AFF4: variants seen among roughly 807,000 people sequenced by gnomAD.
The protein encoded by AFF4 is ALF transcription elongation factor 4.
Under a neutral mutation model 124.8 loss-of-function variants are expected in AFF4, and 13 were observed. The ratio of observed to expected loss-of-function variants is 0.10; its 90% CI spans 0.07 to 0.17. AFF4 has a LOEUF of 0.17. AFF4 is among the 10% of genes least tolerant of loss of function. The pLI is 1.00. For synonymous variants in AFF4, 477 were observed against 496.1 expected (o/e 0.96, Z 0.51); for missense variants, 1,092 against 1,403.8 (o/e 0.78, Z 3.55).
rs1424102789 is a variant in AFF4, at chr5:132,883,486, G to A, written c.3218C>T (p.Ala1073Val). ...PGNSGNYSSG[A>V]SSASASGSSV... ...AGAACCACTTGCAGAAGCACTACTG[G>A]CCCCAGATGAATAATTTCCTGAATT... is the stretch of plus-strand genomic sequence containing the variant. The change falls in exon 20 of 21, where the codon GCC becomes GTC. Residue 1073 changes from alanine (A) to valine (V), a missense_variant. Around this residue, in one of 11 missense-constraint regions of AFF4, gnomAD observed 173 missense variants for 294.9 expected, o/e 0.59. Transcript: ENST00000265343. The A allele has an allele frequency of 6.2e-7, 1 of 1,613,842 alleles. No individual in the cohort carries two copies. The highest frequency in any genetic ancestry group is 8.5e-7 in the Non-Finnish European group (1 of 1,180,014).
intron 1 of AFF4, among the ~76,000 whole-genome samples, chr5:132,959,350 G>A (rs921738232): frequency 6.6e-6 from 1 of 151,916 alleles, no homozygotes; most frequent in Admixed American, 6.6e-5. Context: ...TTGATCTCTC[G>A]ACCTCGTGAT....
chr5:132,911,825 T>TA (rs1209501088), intron 5 of AFF4, among the ~76,000 whole-genome samples: 6 of 123,052 alleles, frequency 4.9e-5, no homozygotes, highest in Admixed American at 8.2e-5. Context: ...AAGCAATGAT[T>TA]AAAAAAAAAC....
intron 3 of AFF4, among the ~76,000 whole-genome samples, chr5:132,932,615 C>A (rs1462777307): frequency 6.6e-6 from 1 of 152,186 alleles, no homozygotes; most frequent in Non-Finnish European, 1.5e-5. Flanking sequence ...CCAGAGGCTG[C>A]AAATTTTTTG....
In AFF4 at chr5:132,885,139, T is replaced by C; in HGVS notation, c.3100-20A>G. ...AGAATTCTGTGGAAAAAGTAAAATG[T>C]ACTTAACAACAACAAAAACCACCAC... On this transcript the variant is annotated intron_variant, in intron 18 of 20. Coordinates refer to ENST00000265343, the MANE Select transcript of AFF4 (RefSeq NM_014423.4). The C allele has an allele frequency of 6.3e-7, 1 of 1,578,382 alleles. No homozygotes were observed. Among genetic ancestry groups the C allele is most frequent in the Non-Finnish European group, 8.6e-7 (1 of 1,159,620 alleles).
intron 18 of AFF4, 101 bp downstream of exon 18, chr5:132,886,209 C>T (rs1228256983): frequency 6.2e-6 from 6 of 964,742 alleles, no homozygotes; most frequent in Non-Finnish European, 7.9e-6. Flanking sequence ...AGCTCCTCCC[C>T]TGGTGTGTTT....
At chr5:132,920,426 G>A (rs1761016559) in intron 5 of AFF4, among the ~76,000 whole-genome samples, 1 of 148,736 alleles carries the variant, frequency 6.7e-6, no homozygotes, top group Admixed American at 6.8e-5. Context: ...GCATAATCAT[G>A]ACTCACTGCA....
In AFF4 at chr5:132,878,566, G is replaced by C. The variant is rs537871460; in HGVS notation, c.*2493C>G. ...CAGAACATCTAAGAAGATAGACATG[G>C]AGGAAAGGGAGTAGTATTTCCACAC... On this transcript the variant is annotated 3_prime_UTR_variant, in exon 21 of 21. Transcript: ENST00000265343. The C allele has an allele frequency of 1.3e-5, 3 of 231,502 alleles. No individual in the cohort carries two copies. In the East Asian group the frequency reaches 1.8e-4, roughly 14 times the overall value. The allele number at this position is 231,502 out of a possible 1,614,324, so 14.3% of individuals were successfully genotyped here.
rs907660978 is a variant in AFF4, at chr5:132,944,761, C to T, written c.-4-7568G>A. Among the ~76,000 whole-genome samples, 8 of 151,848 alleles carry T rather than the reference C, an allele frequency of 5.3e-5. No individual in the cohort carries two copies. In the East Asian group the frequency reaches 1.6e-3, roughly 30 times the overall value. ...TCTGGCCAACAGAGTGAAACCCCAT[C>T]TCTACTAAAAATACAAAAATTAGCC... On this transcript the variant is annotated intron_variant, in intron 1 of 20. Transcript: ENST00000265343.
intron 20 of AFF4, among the ~76,000 whole-genome samples, chr5:132,882,537 C>G (rs1376954075): frequency 6.6e-6 from 1 of 152,072 alleles, no homozygotes; most frequent in Non-Finnish European, 1.5e-5. Context: ...AAGGGCAAAG[C>G]CTCAAACAAC....
intron 2 of AFF4, among the ~76,000 whole-genome samples, chr5:132,936,715 A>G (rs1237566942): frequency 1.3e-5 from 2 of 152,226 alleles, no homozygotes; most frequent in Admixed American, 6.5e-5. Flanking sequence ...TAAATGTATG[A>G]GCCAACTCAG....
chr5:132,931,757 G>A (rs1429731585), intron 4 of AFF4, among the ~76,000 whole-genome samples: 2 of 152,134 alleles, frequency 1.3e-5, no homozygotes, highest in Admixed American at 1.3e-4. Context: ...GGAGTTCCAG[G>A]CCAGCCTGGC....
chr5:132,885,843 G>A (rs562192788), intron 18 of AFF4, among the ~76,000 whole-genome samples: 1 of 152,018 alleles, frequency 6.6e-6, no homozygotes, highest in African/African-American at 2.4e-5. Flanking sequence ...GCATGACCTC[G>A]GCTCACTGCA....
chr5:132,935,758 GAAAAAA>G (rs765780057), intron 2 of AFF4, among the ~76,000 whole-genome samples: 1 of 106,158 alleles, frequency 9.4e-6, no homozygotes, highest in Non-Finnish European at 2.0e-5. Flanking sequence ...CTCCATCTCC[GAAAAAA>G]AAAAAAAAAC....
At position 132,877,498 on chromosome 5, in the gene AFF4, C is replaced by T. The variant is rs992630507; in HGVS notation, c.*3561G>A. On this transcript the variant is annotated 3_prime_UTR_variant, in exon 21 of 21. Coordinates refer to ENST00000265343, the MANE Select transcript of AFF4 (RefSeq NM_014423.4). ...AAATACTAAACACACACATATTTGA[C>T]AAACTAATTTCATGTTTTCATACAT... 14 of 212,480 alleles carry T rather than the reference C, an allele frequency of 6.6e-5. 1 individual carries two copies. The highest frequency in any genetic ancestry group is 1.8e-4 in the Admixed American group (3 of 17,008). 13.2% of individuals were successfully genotyped at this position (212,480 alleles called of 1,614,324 possible).
chr5:132,933,959 G>A (rs960750687), intron 3 of AFF4, among the ~76,000 whole-genome samples, 188 bp downstream of exon 3: 1 of 152,128 alleles, frequency 6.6e-6, no homozygotes, highest in Non-Finnish European at 1.5e-5. Flanking sequence ...CCAAGAGGAC[G>A]AGTTAACAGA....
At chr5:132,940,527 A>C (rs1761543980) in intron 1 of AFF4, among the ~76,000 whole-genome samples, 1 of 152,170 alleles carries the variant, frequency 6.6e-6, no homozygotes, top group Admixed American at 6.5e-5. Flanking sequence ...AAAAACAAAA[A>C]ATAAAGTATG....
At chr5:132,925,213 C>T (rs1172475085) in intron 5 of AFF4, among the ~76,000 whole-genome samples, 4 of 148,508 alleles carry the variant, frequency 2.7e-5, no homozygotes, top group East Asian at 3.9e-4. Flanking sequence ...AAATAAATAC[C>T]GGTGCATTTT....
chr5:132,895,838 G>A (rs1682365755), intron 11 of AFF4, among the ~76,000 whole-genome samples: 1 of 152,204 alleles, frequency 6.6e-6, no homozygotes, highest in African/African-American at 2.4e-5. Flanking sequence ...CTGGCTATAA[G>A]CCAGCAATAT....
chr5:132,898,216 C>T lies in AFF4; in HGVS notation c.1389+14G>A, dbSNP rs1181942396. 2.5e-6 allele frequency: 4 copies of T among 1,613,648 alleles called. No individual in the cohort carries two copies. The highest frequency in any genetic ancestry group is 3.3e-5 in the Admixed American group (2 of 59,970). ...AGAGGGCCTGTGGAAGGTACCCCAC[C>T]GCCTCTGTCTCACCTCGGGAGATGC... is the stretch of plus-strand genomic sequence containing the variant. On this transcript the variant is annotated intron_variant, in intron 10 of 20. Transcript: ENST00000265343.
Sources: gnomAD v4.1 joint callset for allele counts (sites outside exome capture counted in the v4.1 genomes callset) on GRCh38, gnomAD v4.1.1 for gene constraint, gnomAD v4.1.1 regional missense constraint, MANE v1.5 for transcripts, NCBI Gene and HGNC (gene_info 2026-07-23, HGNC 2026-07-21) for gene names.